Variants in OPRM1 observed in about 807,000 individuals in gnomAD.
OPRM1 encodes the protein opioid receptor mu 1.
Under a neutral mutation model 31.8 loss-of-function variants are expected in OPRM1, and 27 were observed. That is an observed-to-expected ratio of 0.85 (90% CI 0.63 to 1.17). OPRM1 has a LOEUF of 1.17. OPRM1 is among the 50% of genes most tolerant of loss of function. OPRM1 has a pLI of 0.00. For missense variants in OPRM1, 536 were observed against 511.1 expected (o/e 1.05, Z -0.47); for synonymous variants, 196 against 189.9 (o/e 1.03, Z -0.26).
intron 3 of OPRM1, among the ~76,000 whole-genome samples, chr6:154,142,250 A>G (rs182515338): frequency 1.9e-5 from 1 of 53,002 alleles, no homozygotes; most frequent in African/African-American, 6.4e-5. Flanking sequence ...CCCCTCTAAA[A>G]TAACAATAGG....
At chr6:154,133,149 T>A (rs1369397339), downstream of OPRM1, among the ~76,000 whole-genome samples, 1 of 151,586 alleles carries the variant, frequency 6.6e-6, no homozygotes, top group East Asian at 1.9e-4. Flanking sequence ...AGAAAAAAAC[T>A]ATCTCAAAAT....
At chr6:154,086,928 T>C in intron 1 of OPRM1, 2 of 984,166 alleles carry the variant, frequency 2.0e-6, no homozygotes, top group Middle Eastern at 5.2e-4. Context: ...CCAAGGTCAA[T>C]TATTCTAAAT....
chr6:154,195,142 T>A (rs1387863711), intron 3 of OPRM1, among the ~76,000 whole-genome samples: 1 of 136,528 alleles, frequency 7.3e-6, no homozygotes, highest in African/African-American at 2.9e-5. Context: ...ATTTTTCTTT[T>A]CTTTCTTTTT....
At chr6:154,135,838 T>C (rs1385320289), downstream of OPRM1, among the ~76,000 whole-genome samples, 2 of 152,176 alleles carry the variant, frequency 1.3e-5, no homozygotes, top group African/African-American at 4.8e-5. Context: ...TAGTTTCCCA[T>C]TGAAACTAGA....
intron 3 of OPRM1, chr6:154,091,696 C>A (rs1583491015): frequency 2.3e-6 from 3 of 1,294,272 alleles, no homozygotes; most frequent in South Asian, 5.4e-5. Context: ...AATGAGAAAT[C>A]CATGAAACTA....
chr6:154,099,308 A>AAGG (rs1562469644), intron 3 of OPRM1, among the ~76,000 whole-genome samples: 12,008 of 87,028 alleles, frequency 0.14, 1,012 homozygotes, highest in East Asian at 0.21. Flanking sequence ...AGGAAGGAAG[A>AAGG]AAGGAAGGAA....
intron 1 of OPRM1, among the ~76,000 whole-genome samples, chr6:154,072,068 T>C (rs17174722): frequency 7.2e-5 from 11 of 152,184 alleles, no homozygotes; most frequent in Admixed American, 7.2e-4. Flanking sequence ...TCAACTATTA[T>C]ATACTGTCCC....
At chr6:154,108,241 C>A (rs1330624701) in intron 3 of OPRM1, 13 of 388,692 alleles carry the variant, frequency 3.3e-5, no homozygotes, top group Middle Eastern at 6.8e-4. Flanking sequence ...CACCAAATAT[C>A]AGACTAGCTT....
chr6:154,140,188 A>G (rs1286530592), intron 3 of OPRM1, among the ~76,000 whole-genome samples: 2 of 152,182 alleles, frequency 1.3e-5, no homozygotes, highest in East Asian at 3.8e-4. Context: ...TTATCGCAAC[A>G]AAAGAACCAC....
upstream of OPRM1, among the ~76,000 whole-genome samples, chr6:154,034,136 T>G (rs189479739): frequency 5.3e-5 from 8 of 152,360 alleles, no homozygotes; most frequent in East Asian, 1.5e-3. Context: ...GAAGGACACA[T>G]GAAGCTTCTG....
At chr6:154,196,698 A>T (rs2128588049) in intron 3 of OPRM1, among the ~76,000 whole-genome samples, 1 of 152,326 alleles carries the variant, frequency 6.6e-6, no homozygotes, top group South Asian at 2.1e-4. Context: ...ACAGGGTAAA[A>T]TTGAGCTGAA....
chr6:154,086,570 A>AT (rs1011840062), intron 1 of OPRM1: 72 of 978,702 alleles, frequency 7.4e-5, no homozygotes, highest in South Asian at 1.4e-4. Flanking sequence ...CCCTGACATA[A>AT]TTTTTTTTTC....
At chr6:154,210,068 T>A (rs1376453561) in intron 3 of OPRM1, among the ~76,000 whole-genome samples, 1 of 152,172 alleles carries the variant, frequency 6.6e-6, no homozygotes, top group East Asian at 1.9e-4. Context: ...GTGCATCAGG[T>A]TAGACTGTCA....
chr6:154,107,555 A>G, intron 3 of OPRM1: 1 of 718,614 alleles, frequency 1.4e-6, no homozygotes, highest in Non-Finnish European at 2.6e-6. Flanking sequence ...CTTCCCAGGA[A>G]GAGTCTAGAG....
intron 3 of OPRM1, among the ~76,000 whole-genome samples, chr6:154,142,786 G>A (rs1319020936): frequency 6.6e-6 from 1 of 152,176 alleles, no homozygotes; most frequent in African/African-American, 2.4e-5. Flanking sequence ...CAAGAATTGA[G>A]GTAGACTTGC....
At chr6:154,035,855 C>A (rs957318883), upstream of OPRM1, among the ~76,000 whole-genome samples, 2 of 152,090 alleles carry the variant, frequency 1.3e-5, no homozygotes, top group East Asian at 3.8e-4. Flanking sequence ...ATAAATTATT[C>A]TTGCTTCGAA....
intron 3 of OPRM1, among the ~76,000 whole-genome samples, chr6:154,225,041 C>T (rs1779146976): frequency 6.6e-6 from 1 of 152,158 alleles, no homozygotes; most frequent in Non-Finnish European, 1.5e-5. Flanking sequence ...TTTAGATCTA[C>T]AGACTGAGTA....
intron 3 of OPRM1, among the ~76,000 whole-genome samples, chr6:154,204,722 C>G (rs537616299): frequency 5.3e-4 from 81 of 152,302 alleles, no homozygotes; most frequent in Non-Finnish European, 1.0e-3. Context: ...TCAGTGCCCC[C>G]CATCCCACCC....
intron 1 of OPRM1, among the ~76,000 whole-genome samples, chr6:154,050,184 G>A (rs1290579671): frequency 6.6e-6 from 1 of 152,048 alleles, no homozygotes; most frequent in Non-Finnish European, 1.5e-5. Flanking sequence ...CTCAGTACTT[G>A]TTATTGATCT....
Sources: gnomAD v4.1 joint callset for allele counts (sites outside exome capture counted in the v4.1 genomes callset) on GRCh38, gnomAD v4.1.1 for gene constraint, MANE v1.5 for transcripts, NCBI Gene and HGNC (gene_info 2026-07-23, HGNC 2026-07-21) for gene names.